BAALC: variants seen among roughly 807,000 people sequenced by gnomAD.
BAALC encodes the protein brain and acute leukemia cytoplasmic protein.
BAALC carries 9 observed loss-of-function variants against 15.5 expected under a neutral mutation model. The observed-to-expected ratio is 0.58, with a 90% confidence interval of 0.35 to 1.02. BAALC has a LOEUF of 1.02. BAALC is among the 50% of genes least tolerant of loss of function. BAALC has a pLI of 0.02. For synonymous variants in BAALC, 80 were observed against 74.6 expected (o/e 1.07, Z -0.37); for missense variants, 201 against 192.4 (o/e 1.04, Z -0.27).
intron 1 of BAALC, among the ~76,000 whole-genome samples, chr8:103,177,159 G>A (rs1811623166): frequency 1.3e-5 from 2 of 148,560 alleles, no homozygotes; most frequent in Admixed American, 6.7e-5. Flanking sequence ...CTTCCTGTGT[G>A]CGGGTTTTTT....
intron 1 of BAALC, among the ~76,000 whole-genome samples, chr8:103,162,102 A>G (rs1352444068): frequency 6.6e-6 from 1 of 152,130 alleles, no homozygotes; most frequent in East Asian, 1.9e-4. Context: ...CTGGGACCAC[A>G]GGTGAGCCAC....
chr8:103,209,663 A>G (rs1314501659), intron 1 of BAALC, among the ~76,000 whole-genome samples: 2 of 152,108 alleles, frequency 1.3e-5, no homozygotes, highest in Non-Finnish European at 2.9e-5. Context: ...AGTCCATTAC[A>G]GACAAATATA....
At position 103,193,127 on chromosome 8, in the gene BAALC, C is replaced by T. The variant is rs1288714185; in HGVS notation, c.161-19792C>T. Among the ~76,000 whole-genome samples, 6 of 152,210 alleles carry T rather than the reference C, an allele frequency of 3.9e-5. No homozygotes were observed. The East Asian group carries it at 1.2e-3, about 29-fold the overall frequency. ...GCTAGCCAAGCCCCCAATTATCTGT[C>T]CTTCTAAAGAAGGTGAGGCATAGAA... On this transcript the variant is annotated intron_variant, in intron 1 of 2. Coordinates refer to ENST00000309982, the MANE Select transcript of BAALC (RefSeq NM_024812.3).
chr8:103,170,660 C>G (rs1811462840), intron 1 of BAALC, among the ~76,000 whole-genome samples: 1 of 152,202 alleles, frequency 6.6e-6, no homozygotes, highest in African/African-American at 2.4e-5. Context: ...CCTGCCAACA[C>G]TTTAATTTCA....
intron 1 of BAALC, 56 bp downstream of exon 1, chr8:103,141,113 C>T: frequency 7.2e-7 from 1 of 1,382,944 alleles, no homozygotes; most frequent in Non-Finnish European, 9.3e-7. Context: ...GGCGCCTTGG[C>T]CCGGGCACTG....
rs187582276 is a variant in BAALC at position 103,162,375 on chromosome 8, T to G, written c.160+21318T>G. On this transcript the variant is annotated intron_variant, in intron 1 of 2. Coordinates refer to ENST00000309982, the MANE Select transcript of BAALC (RefSeq NM_024812.3). Reference sequence around the variant, plus strand: ...AGCAAAAAGTTGAAAAGCAAAAACCTGAAGTTATTTGTTGAATAAAATTGC... The same window carrying G: ...AGCAAAAAGTTGAAAAGCAAAAACCGGAAGTTATTTGTTGAATAAAATTGC... Among the ~76,000 whole-genome samples the G allele has an allele frequency of 5.4e-3, 821 of 152,292 alleles. 13 individuals are homozygous for G. Among genetic ancestry groups the G allele is most frequent in the African/African-American group, 0.018 (749 of 41,562 alleles).
intron 1 of BAALC, among the ~76,000 whole-genome samples, chr8:103,151,181 C>G (rs1203316815): frequency 6.6e-6 from 1 of 152,076 alleles, no homozygotes; most frequent in African/African-American, 2.4e-5. Flanking sequence ...CCACGCCCGG[C>G]TAATTTTTTG....
intron 1 of BAALC, among the ~76,000 whole-genome samples, chr8:103,185,508 A>G (rs1811815398): frequency 6.6e-6 from 1 of 152,252 alleles, no homozygotes; most frequent in Non-Finnish European, 1.5e-5. Flanking sequence ...ATCAAAGTAT[A>G]AAGATATCAA....
intron 1 of BAALC, among the ~76,000 whole-genome samples, chr8:103,212,126 A>G (rs959637175): frequency 6.6e-6 from 1 of 152,136 alleles, no homozygotes; most frequent in Non-Finnish European, 1.5e-5. Context: ...TCAGTCCAAC[A>G]CTTTGAGCTG....
intron 1 of BAALC, among the ~76,000 whole-genome samples, chr8:103,158,261 T>C (rs1045027211): frequency 6.6e-6 from 1 of 152,186 alleles, no homozygotes; most frequent in African/African-American, 2.4e-5. Flanking sequence ...TATATTCAGT[T>C]AGACAGGAGG....
rs994921049 is a variant in BAALC, at chr8:103,173,334, G to A, written c.160+32277G>A. ...TTAAATGACTCAGAAGCTTTCATCC[G>A]TGATGCCATTTTGCCATCATGAAGT... On this transcript the variant is annotated intron_variant, in intron 1 of 2. Coordinates refer to ENST00000309982, the MANE Select transcript of BAALC (RefSeq NM_024812.3). Among the ~76,000 whole-genome samples, 6 of 152,108 alleles carry A rather than the reference G, an allele frequency of 3.9e-5. No homozygotes were observed. In the South Asian group the frequency reaches 1.0e-3, roughly 26 times the overall value.
intron 1 of BAALC, among the ~76,000 whole-genome samples, chr8:103,193,226 C>T (rs931843816): frequency 6.6e-6 from 1 of 152,222 alleles, no homozygotes; most frequent in African/African-American, 2.4e-5. Context: ...GATATGCATG[C>T]AGTAAACAGA....
At chr8:103,211,673 C>T (rs1812448535) in intron 1 of BAALC, among the ~76,000 whole-genome samples, 1 of 152,168 alleles carries the variant, frequency 6.6e-6, no homozygotes, top group Non-Finnish European at 1.5e-5. Context: ...TCATCTGCAT[C>T]TATTTGAGAG....
chr8:103,156,185 T>C (rs776643267), intron 1 of BAALC, among the ~76,000 whole-genome samples: 3 of 152,226 alleles, frequency 2.0e-5, no homozygotes, highest in Non-Finnish European at 4.4e-5. Flanking sequence ...GATTTGCAGT[T>C]ACTAGTCCTA....
chr8:103,216,375 C>A (rs1038340247), intron 2 of BAALC, among the ~76,000 whole-genome samples: 1 of 152,178 alleles, frequency 6.6e-6, no homozygotes, highest in Non-Finnish European at 1.5e-5. Context: ...TATACTCTAA[C>A]TAGCAGTGGT....
intron 1 of BAALC, among the ~76,000 whole-genome samples, chr8:103,189,697 G>C (rs551954104): frequency 5.9e-5 from 9 of 152,228 alleles, no homozygotes; most frequent in Non-Finnish European, 1.2e-4. Context: ...ATAACACCTA[G>C]GTGGGCATGA....
At chr8:103,199,298 C>T (rs1004552317) in intron 1 of BAALC, among the ~76,000 whole-genome samples, 3 of 152,188 alleles carry the variant, frequency 2.0e-5, no homozygotes, top group African/African-American at 7.2e-5. Flanking sequence ...TAACACACAT[C>T]CTTTCAACAT....
At chr8:103,203,889 A>T (rs1489587071) in intron 1 of BAALC, among the ~76,000 whole-genome samples, 1 of 152,204 alleles carries the variant, frequency 6.6e-6, no homozygotes, top group African/African-American at 2.4e-5. Context: ...GATTGCTAAG[A>T]ACACTCATGA....
At chr8:103,194,088 A>G (rs1182037674) in intron 1 of BAALC, among the ~76,000 whole-genome samples, 1 of 152,210 alleles carries the variant, frequency 6.6e-6, no homozygotes, top group East Asian at 1.9e-4. Context: ...ACCTCTTTGA[A>G]ATCCTCTTAC....
Sources: gnomAD v4.1 joint callset for allele counts (sites outside exome capture counted in the v4.1 genomes callset) on GRCh38, gnomAD v4.1.1 for gene constraint, MANE v1.5 for transcripts, NCBI Gene and HGNC (gene_info 2026-07-23, HGNC 2026-07-21) for gene names.